Variants in ITGAX observed in about 807,000 individuals in gnomAD.
The protein encoded by ITGAX is integrin alpha-X.
A neutral mutation model predicts 140.2 loss-of-function variants in ITGAX; 99 were observed. That is an observed-to-expected ratio of 0.71 (90% confidence interval 0.60 to 0.83). The LOEUF (loss-of-function observed/expected upper bound fraction) is 0.83, where lower values mean the gene tolerates loss of function less well. Among genes scored for constraint, ITGAX ranks in the 40% least tolerant of loss-of-function variants. The pLI, the probability that ITGAX is intolerant of heterozygous loss-of-function variation, is 0.00. For synonymous variants in ITGAX, 631 were observed against 600.4 expected, an observed-to-expected ratio of 1.05 and a Z score of -0.75; for missense variants, 1,444 against 1,482.0, an observed-to-expected ratio of 0.97 and a Z score of 0.42.
chr16:31,364,047 CG>C lies in ITGAX; in HGVS notation c.1710+674del, dbSNP rs141839445. On this transcript the variant is annotated intron_variant, in intron 14 of 29. Transcript: ENST00000268296. Reference sequence around the variant, plus strand: ...CCCACCAAATGCCCATCCCTGCAGCCGCCCTCCACCCCAAGGGAGCAGGGTT... The same window carrying C: ...CCCACCAAATGCCCATCCCTGCAGCCCCCTCCACCCCAAGGGAGCAGGGTT... Among the ~76,000 whole-genome samples, 1,289 of 152,280 alleles carry C rather than the reference CG, an allele frequency of 8.5e-3. 17 individuals are homozygous for C. Among genetic ancestry groups the C allele is most frequent in the African/African-American group, 0.029 (1,222 of 41,550 alleles).
chr16:31,368,598 T>A (rs2080916876), intron 14 of ITGAX, among the ~76,000 whole-genome samples: 1 of 151,564 alleles, frequency 6.6e-6, no homozygotes, highest in Non-Finnish European at 1.5e-5. Flanking sequence ...TTTTATTTTT[T>A]ATTTATTTTT....
intron 14 of ITGAX, among the ~76,000 whole-genome samples, chr16:31,364,451 A>AAAAAAAAAAAAAAT (rs2080871204): frequency 6.8e-6 from 1 of 147,784 alleles, no homozygotes. Context: ...AAAAAAAAAA[A>AAAAAAAAAAAAAAT]GGGCAAAGGA....
At chr16:31,377,943 G>A (rs1354797406) in intron 23 of ITGAX, among the ~76,000 whole-genome samples, 3 of 152,210 alleles carry the variant, frequency 2.0e-5, no homozygotes, top group African/African-American at 4.8e-5. Context: ...GAGGAGGAAT[G>A]AGGCTTCAGA....
At chr16:31,380,409 C>G (rs753944952) in intron 27 of ITGAX, 30 bp downstream of exon 27, 2 of 1,612,170 alleles carry the variant, frequency 1.2e-6, no homozygotes, top group Non-Finnish European at 1.7e-6. Flanking sequence ...GAGCCCCTGC[C>G]CCAGACTCAG....
intron 2 of ITGAX, 45 bp downstream of exon 2, chr16:31,356,043 C>T (rs1284341735): frequency 2.1e-6 from 3 of 1,403,872 alleles, no homozygotes; most frequent in Non-Finnish European, 3.0e-6. Flanking sequence ...CCATCCTCTC[C>T]CTGCTCAGGG....
chr16:31,382,598 G>A lies in ITGAX; in HGVS notation c.*691G>A, dbSNP rs2081080093. On this transcript the variant is annotated 3_prime_UTR_variant, in exon 30 of 30. Coordinates refer to ENST00000268296, the MANE Select transcript of ITGAX (RefSeq NM_000887.5). ...TGCCCCCATCACCCTCGTTTCCAGT[G>A]AATTAGTGTCATGTCAGCATCAGCT... 1 of 718,392 alleles carries A rather than the reference G, an allele frequency of 1.4e-6. No individual in the cohort carries two copies. The highest frequency in any genetic ancestry group is 1.7e-5 in the African/African-American group (1 of 57,538). 44.5% of individuals were successfully genotyped at this position (718,392 alleles called of 1,614,324 possible). A position where few individuals can be genotyped will look rare whatever the true frequency, so the allele number is the denominator to read the frequency against.
At chr16:31,356,168 A>G in intron 2 of ITGAX, 170 bp downstream of exon 2, 2 of 566,050 alleles carry the variant, frequency 3.5e-6, no homozygotes, top group Non-Finnish European at 3.1e-6. Flanking sequence ...CACAGCTAAC[A>G]TTTACAGAGC....
At position 31,376,826 on chromosome 16, in the gene ITGAX, C is replaced by T. The variant is rs144106957; in HGVS notation, c.2536C>T (p.Leu846=). Residue 846 remains leucine, a synonymous_variant, in exon 21 of 30, where the codon CTG becomes TTG. Transcript: ENST00000268296. The part of the protein sequence containing the change: ...QKQGQLRSLH[L]TCDSAPVGSQ... ...ACAAGGGCAGCTGCGTTCCCTGCAC[C>T]TGACATGTGACAGCGCCCCAGTTGG... is the stretch of plus-strand genomic sequence containing the variant. The T allele has an allele frequency of 3.9e-4, 626 of 1,614,208 alleles. 2 individuals carry two copies. The African/African-American group carries it at 6.2e-3, about 16-fold the overall frequency.
chr16:31,363,155 T>A lies in ITGAX; in HGVS notation c.1501-10T>A. ...CCCGGGTTGGGCCTGGCACTGCTTT[T>A]TTTCTGCAGTGGAGAAGGTGGTGGT... is the stretch of plus-strand genomic sequence containing the variant. On this transcript the variant is annotated splice_polypyrimidine_tract_variant and intron_variant, in intron 13 of 29. Transcript: ENST00000268296. 6.2e-7 allele frequency: 1 copy of A among 1,608,860 alleles called. No homozygotes were observed. Among genetic ancestry groups the A allele is most frequent in the Non-Finnish European group, 8.5e-7 (1 of 1,177,690 alleles).
At chr16:31,361,955 G>A (rs1320567600) in intron 10 of ITGAX, 46 bp downstream of exon 10, 1 of 1,612,948 alleles carries the variant, frequency 6.2e-7, no homozygotes, top group Non-Finnish European at 8.5e-7. Flanking sequence ...AGGGGAGGGG[G>A]AGCAGGGAAG....
At position 31,373,257 on chromosome 16, in the gene ITGAX, C is replaced by G; in HGVS notation, c.2375C>G (p.Ser792Cys). 6.2e-7 allele frequency: 1 copy of G among 1,600,348 alleles called. No individual in the cohort carries two copies. Among genetic ancestry groups the G allele is most frequent in the African/African-American group, 1.3e-5 (1 of 74,642 alleles). ...GISFSFPGLK[S>C]LLVGSNLELN... is the part of the protein sequence containing the mutation. ...CTTCACCTGATACCCAGCTTGAAGT[C>G]CCTGCTGGTGGGGAGTAACCTGGAG... is the stretch of plus-strand genomic sequence containing the variant. Residue 792 changes from serine (S) to cysteine (C), a missense_variant, in exon 20 of 30, where the codon TCC (serine) becomes TGC (cysteine). Transcript: ENST00000268296.
At chr16:31,365,307 C>G (rs187005392) in intron 14 of ITGAX, among the ~76,000 whole-genome samples, 235 of 152,238 alleles carry the variant, frequency 1.5e-3, no homozygotes, top group Non-Finnish European at 2.6e-3. Context: ...TCACAACTCT[C>G]TAAACATACC....
At chr16:31,381,120 A>G in intron 29 of ITGAX, 113 bp downstream of exon 29, 2 of 743,024 alleles carry the variant, frequency 2.7e-6, no homozygotes, top group Non-Finnish European at 4.4e-6. Context: ...GTCACTTCAT[A>G]TGAGAAACTG....
intron 23 of ITGAX, among the ~76,000 whole-genome samples, 174 bp downstream of exon 23, chr16:31,377,439 T>C (rs1049256986): frequency 6.6e-6 from 1 of 152,218 alleles, no homozygotes; most frequent in Non-Finnish European, 1.5e-5. Flanking sequence ...GAATTTGCTG[T>C]GTGCCAGGCA....
At chr16:31,381,066 G>C in intron 29 of ITGAX, 59 bp downstream of exon 29, 1 of 1,366,356 alleles carries the variant, frequency 7.3e-7, no homozygotes, top group South Asian at 1.2e-5. Context: ...TTTTTGCAGA[G>C]TGAGAAGGAG....
At chr16:31,363,098 G>A (rs1434483177) in intron 13 of ITGAX, 23 bp downstream of exon 13, 1 of 1,601,358 alleles carries the variant, frequency 6.2e-7, no homozygotes, top group Non-Finnish European at 8.5e-7. Context: ...TGGGCCTGGG[G>A]TGGGTGGGGT....
Position 31,379,742 on chromosome 16 carries a change from G to A in ITGAX, c.2869-15G>A, listed in dbSNP as rs2081050861. On this transcript the variant is annotated splice_polypyrimidine_tract_variant and intron_variant, in intron 24 of 29. Transcript: ENST00000268296. ...GGCTTTGGCGTGGGCTCTGCCCTCA[G>A]TGCCCTCTGTGCAGGTCAATAACCT... 1 of 1,611,182 alleles carries A rather than the reference G, an allele frequency of 6.2e-7. No homozygotes were observed. The highest frequency in any genetic ancestry group is 8.5e-7 in the Non-Finnish European group (1 of 1,178,628).
Position 31,360,126 on chromosome 16 carries a change from T to C in ITGAX, c.707+61T>C, listed in dbSNP as rs2080807273. The C allele has an allele frequency of 4.4e-6, 7 of 1,593,898 alleles. No homozygotes were observed. In the South Asian group the frequency reaches 7.8e-5, roughly 18 times the overall value. ...CACCCAGGTCTTCCCTTGGGCCTCA[T>C]CTGTCTCCACGAGAAGGGGACAGGC... On this transcript the variant is annotated intron_variant, in intron 7 of 29. Transcript: ENST00000268296.
intron 23 of ITGAX, among the ~76,000 whole-genome samples, chr16:31,379,308 G>C (rs1350809128): frequency 1.3e-5 from 2 of 150,146 alleles, no homozygotes; most frequent in East Asian, 4.0e-4. Context: ...GTAGAGACAG[G>C]GTTTCACCAT....
Sources: gnomAD v4.1 joint callset for allele counts (sites outside exome capture counted in the v4.1 genomes callset) on GRCh38, gnomAD v4.1.1 for gene constraint, MANE v1.5 for transcripts, NCBI Gene and HGNC (gene_info 2026-07-23, HGNC 2026-07-21) for gene names.